PTPRD: variants seen among roughly 807,000 people sequenced by gnomAD.
PTPRD encodes protein tyrosine phosphatase receptor type D.
A neutral mutation model predicts 214.5 loss-of-function variants in PTPRD; 34 were observed. The ratio of observed to expected loss-of-function variants is 0.16; its 90% CI spans 0.12 to 0.21. PTPRD has a LOEUF of 0.21. Ranked by LOEUF, PTPRD falls within the 10% of genes least tolerant of loss-of-function variation. PTPRD has a pLI of 1.00. For missense variants in PTPRD, 2,545 were observed against 2,398.7 expected, an observed-to-expected ratio of 1.06 and a Z score of -1.27; for synonymous variants, 1,128 against 845.7, an observed-to-expected ratio of 1.33 and a Z score of -5.79.
At position 9,948,722 on chromosome 9, in the gene PTPRD, G is replaced by A. The variant is rs1451879342; in HGVS notation, c.-471-10112C>T. Among the ~76,000 whole-genome samples the A allele has an allele frequency of 2.0e-5, 3 of 151,918 alleles. No individual in the cohort carries two copies. The East Asian group carries it at 5.8e-4, about 29-fold the overall frequency. ...TAATCCAATGGCAGTAATTCTAGGG[G>A]CATTGTTAAAAAGATAAGAGAAAGG... is the stretch of plus-strand genomic sequence containing the variant. On this transcript the variant is annotated intron_variant, in intron 4 of 45. Transcript: ENST00000381196.
At chr9:10,069,919 A>G (rs1455985003) in intron 3 of PTPRD, among the ~76,000 whole-genome samples, 1 of 152,052 alleles carries the variant, frequency 6.6e-6, no homozygotes, top group Non-Finnish European at 1.5e-5. Flanking sequence ...TTTGCTATTT[A>G]GCACACATAG....
intron 4 of PTPRD, among the ~76,000 whole-genome samples, chr9:10,006,098 T>G (rs1225407912): frequency 6.9e-6 from 1 of 144,886 alleles, no homozygotes; most frequent in African/African-American, 2.4e-5. Context: ...AATATTGCAG[T>G]TAATGATTTC....
At chr9:10,324,745 A>C (rs1208969726) in intron 3 of PTPRD, among the ~76,000 whole-genome samples, 3 of 152,052 alleles carry the variant, frequency 2.0e-5, no homozygotes, top group African/African-American at 7.2e-5. Flanking sequence ...AACCATTATT[A>C]GATTTTGAAA....
intron 8 of PTPRD, among the ~76,000 whole-genome samples, chr9:9,400,318 T>C (rs534453621): frequency 6.6e-6 from 1 of 151,892 alleles, no homozygotes; most frequent in African/African-American, 2.4e-5. Context: ...ACTAAGATAC[T>C]CTCCCCAGAG....
intron 2 of PTPRD, among the ~76,000 whole-genome samples, chr9:10,345,043 G>C (rs1036134713): frequency 1.3e-5 from 2 of 151,936 alleles, no homozygotes; most frequent in Non-Finnish European, 2.9e-5. Flanking sequence ...TCATAGAATG[G>C]AAACTTGGTG....
Position 8,819,911 on chromosome 9 carries a change from A to G in PTPRD, c.-103-85965T>C, listed in dbSNP as rs113607663. 7.0e-4 allele frequency among the ~76,000 whole-genome samples: 106 copies of G among 152,216 alleles called. 1 individual carries two copies. Among genetic ancestry groups the G allele is most frequent in the African/African-American group, 2.4e-3 (100 of 41,568 alleles). ...TTGTTCTCCTTGTCCACACAATCATATGCTCAGGAAGCTAAGTATTATAAA... is the reference window on the plus strand; with the variant it reads ...TTGTTCTCCTTGTCCACACAATCATGTGCTCAGGAAGCTAAGTATTATAAA... On this transcript the variant is annotated intron_variant, in intron 11 of 45. Coordinates refer to ENST00000381196, the MANE Select transcript of PTPRD (RefSeq NM_002839.4).
At chr9:10,364,358 C>T (rs1434378230) in intron 2 of PTPRD, among the ~76,000 whole-genome samples, 1 of 151,900 alleles carries the variant, frequency 6.6e-6, no homozygotes, top group Non-Finnish European at 1.5e-5. Context: ...AATATGTCAC[C>T]CAAGCTATAG....
intron 3 of PTPRD, among the ~76,000 whole-genome samples, chr9:10,040,141 G>A (rs994686052): frequency 6.6e-6 from 1 of 152,016 alleles, no homozygotes; most frequent in African/African-American, 2.4e-5. Context: ...AGAAAAATAA[G>A]CTCAAATTAG....
rs539543963 is a variant in PTPRD at position 10,360,043 on chromosome 9, C to T, written c.-599-19026G>A. 2.1e-4 allele frequency among the ~76,000 whole-genome samples: 32 copies of T among 152,220 alleles called. No homozygotes were observed. The South Asian group carries it at 5.2e-3, about 25-fold the overall frequency. ...GTTCCTTTTCAGATCTATTAGTTCACGTTAGGCTTTTATTAAGAGAAATTG... is the reference window on the plus strand; with the variant it reads ...GTTCCTTTTCAGATCTATTAGTTCATGTTAGGCTTTTATTAAGAGAAATTG... On this transcript the variant is annotated intron_variant, in intron 2 of 45. Coordinates refer to ENST00000381196, the MANE Select transcript of PTPRD (RefSeq NM_002839.4).
chr9:10,284,628 T>A (rs10959018), intron 3 of PTPRD, among the ~76,000 whole-genome samples: 1 of 152,136 alleles, frequency 6.6e-6, no homozygotes, highest in African/African-American at 2.4e-5. Context: ...AGTTGGTTTC[T>A]TTGTTCAGGT....
At chr9:9,386,910 T>C (rs73397079) in intron 9 of PTPRD, among the ~76,000 whole-genome samples, 32,596 of 152,032 alleles carry the variant, frequency 0.21, 4,095 homozygotes, top group East Asian at 0.37. Flanking sequence ...TTTTCCCTTA[T>C]CTAAAGGGAG....
At chr9:9,450,697 T>C (rs989646128) in intron 8 of PTPRD, among the ~76,000 whole-genome samples, 1 of 151,436 alleles carries the variant, frequency 6.6e-6, no homozygotes, top group Non-Finnish European at 1.5e-5. Flanking sequence ...ATTGACACAA[T>C]TCAAAAAACT....
intron 9 of PTPRD, among the ~76,000 whole-genome samples, chr9:9,357,403 C>T (rs1278825846): frequency 6.6e-6 from 1 of 151,280 alleles, no homozygotes; most frequent in Non-Finnish European, 1.5e-5. Context: ...GTGGACTTCT[C>T]ATGACCTTTT....
intron 9 of PTPRD, among the ~76,000 whole-genome samples, chr9:9,332,832 A>C (rs1265862987): frequency 6.6e-6 from 1 of 152,024 alleles, no homozygotes; most frequent in East Asian, 1.9e-4. Context: ...TTACATGTGG[A>C]AATTCAATTC....
intron 7 of PTPRD, among the ~76,000 whole-genome samples, chr9:9,592,004 TAGG>T (rs762701405): frequency 3.9e-4 from 60 of 152,230 alleles, no homozygotes; most frequent in Admixed American, 9.8e-4. Context: ...TCTCTACTTC[TAGG>T]AGATCAACTT....
chr9:9,468,121 TC>T (rs2094343554), intron 8 of PTPRD, among the ~76,000 whole-genome samples: 1 of 152,118 alleles, frequency 6.6e-6, no homozygotes, highest in Non-Finnish European at 1.5e-5. Context: ...ACTGTTAGTT[TC>T]CTCTTTCCTT....
chr9:9,893,079 G>A (rs561420095), intron 5 of PTPRD, among the ~76,000 whole-genome samples: 103 of 152,122 alleles, frequency 6.8e-4, no homozygotes, highest in African/African-American at 2.4e-3. Context: ...ATGAAGTTCA[G>A]GAGAGTGCTT....
At chr9:9,919,639 G>T (rs1469671022) in intron 5 of PTPRD, among the ~76,000 whole-genome samples, 6 of 152,122 alleles carry the variant, frequency 3.9e-5, no homozygotes, top group African/African-American at 7.2e-5. Flanking sequence ...TACAGACTTT[G>T]GTAAGGCAGA....
At chr9:8,640,041 CCACCTTAG>C (rs2096538919) in intron 12 of PTPRD, among the ~76,000 whole-genome samples, 1 of 152,158 alleles carries the variant, frequency 6.6e-6, no homozygotes, top group African/African-American at 2.4e-5. Context: ...GTCAGTCCTC[CCACCTTAG>C]CATCCAGAGT....
Sources: gnomAD v4.1 joint callset for allele counts (sites outside exome capture counted in the v4.1 genomes callset) on GRCh38, gnomAD v4.1.1 for gene constraint, MANE v1.5 for transcripts, NCBI Gene and HGNC (gene_info 2026-07-23, HGNC 2026-07-21) for gene names.